The following HECW2 variants were observed in gnomAD, a reference collection of about 807,000 sequenced individuals.
The protein encoded by HECW2 is E3 ubiquitin-protein ligase HECW2.
A neutral mutation model predicts 175.2 loss-of-function variants in HECW2; 61 were observed. The ratio of observed to expected loss-of-function variants is 0.35; its 90% CI spans 0.28 to 0.43. HECW2 has a LOEUF of 0.43. HECW2 is among the 20% of genes least tolerant of loss of function. The pLI, the probability that HECW2 is intolerant of heterozygous loss-of-function variation, is 1.00. For missense variants in HECW2, 1,524 were observed against 2,000.5 expected, an observed-to-expected ratio of 0.76 and a Z score of 4.54; for synonymous variants, 671 against 731.0, an observed-to-expected ratio of 0.92 and a Z score of 1.32.
chr2:196,496,585 T>C (rs553381232), intron 1 of HECW2, among the ~76,000 whole-genome samples: 1 of 152,306 alleles, frequency 6.6e-6, no homozygotes, highest in East Asian at 1.9e-4. Flanking sequence ...TTTTCACTCT[T>C]CATTTGCCAT....
At chr2:196,221,391 C>A (rs1011571942) in intron 24 of HECW2, among the ~76,000 whole-genome samples, 15 of 151,922 alleles carry the variant, frequency 9.9e-5, no homozygotes, top group African/African-American at 3.4e-4. Flanking sequence ...AAGATTAATG[C>A]CTAAATAAGA....
chr2:196,443,954 G>A (rs1028471950), intron 1 of HECW2, among the ~76,000 whole-genome samples: 22 of 152,192 alleles, frequency 1.4e-4, no homozygotes, highest in African/African-American at 3.9e-4. Flanking sequence ...AGGATCGCTT[G>A]AGCCTGAGAG....
chr2:196,258,050 C>T (rs1375414856), intron 17 of HECW2, 144 bp from the exon 18 acceptor site: 1 of 596,890 alleles, frequency 1.7e-6, no homozygotes, highest in Non-Finnish European at 3.0e-6. Flanking sequence ...TAGGAATACA[C>T]ATCCAAGAGA....
intron 2 of HECW2, among the ~76,000 whole-genome samples, chr2:196,410,872 C>T (rs1018390085): frequency 1.3e-5 from 2 of 152,098 alleles, no homozygotes; most frequent in Non-Finnish European, 2.9e-5. Context: ...GCTAGCACAT[C>T]CACAAACGTA....
chr2:196,362,200 C>A, intron 2 of HECW2: 1 of 985,382 alleles, frequency 1.0e-6, no homozygotes, highest in Non-Finnish European at 1.2e-6. Context: ...CACATCCCCT[C>A]GGCTGAGGCA....
chr2:196,401,865 G>A lies in HECW2; in HGVS notation c.292+31267C>T, dbSNP rs901069395. 4.1e-4 allele frequency among the ~76,000 whole-genome samples: 63 copies of A among 152,172 alleles called. 1 individual carries two copies. In the Middle Eastern group the frequency reaches 0.014, roughly 33 times the overall value. On this transcript the variant is annotated intron_variant, in intron 2 of 28. Coordinates refer to ENST00000644978, the MANE Select transcript of HECW2 (RefSeq NM_001348768.2). ...AGACATGGAATCAAGGACCTACTATGTTCTCAAATGGAGAGGGTACCAAAA... is the reference window on the plus strand; with the variant it reads ...AGACATGGAATCAAGGACCTACTATATTCTCAAATGGAGAGGGTACCAAAA...
intron 28 of HECW2, among the ~76,000 whole-genome samples, chr2:196,212,562 T>G (rs879765547): frequency 2.0e-5 from 3 of 152,240 alleles, no homozygotes; most frequent in Non-Finnish European, 4.4e-5. Context: ...TTCCATGGTA[T>G]ATATGTACCA....
intron 2 of HECW2, among the ~76,000 whole-genome samples, chr2:196,373,976 G>A (rs1002720752): frequency 3.0e-4 from 45 of 151,144 alleles, no homozygotes; most frequent in South Asian, 6.3e-4. Flanking sequence ...AGCTTGCAGT[G>A]AGCCGAGATC....
At chr2:196,416,331 G>C (rs1470967218) in intron 2 of HECW2, among the ~76,000 whole-genome samples, 1 of 151,892 alleles carries the variant, frequency 6.6e-6, no homozygotes, top group Non-Finnish European at 1.5e-5. Context: ...GCACTAAAAA[G>C]GAAACATAAG....
At chr2:196,293,846 G>T (rs1346326031) in intron 13 of HECW2, among the ~76,000 whole-genome samples, 1 of 152,142 alleles carries the variant, frequency 6.6e-6, no homozygotes, top group Non-Finnish European at 1.5e-5. Flanking sequence ...ATGGAAAAAT[G>T]CTTGCCATAC....
At chr2:196,458,586 G>C (rs901263646) in intron 1 of HECW2, among the ~76,000 whole-genome samples, 1 of 152,184 alleles carries the variant, frequency 6.6e-6, no homozygotes, top group African/African-American at 2.4e-5. Flanking sequence ...GACAAGTGTA[G>C]GCTGGGCGTG....
intron 2 of HECW2, among the ~76,000 whole-genome samples, chr2:196,415,952 G>A (rs540462258): frequency 9.2e-5 from 14 of 152,226 alleles, no homozygotes; most frequent in African/African-American, 3.1e-4. Flanking sequence ...CAAGTGCATG[G>A]TTTTACTACA....
chr2:196,318,646 A>G lies in HECW2; in HGVS notation c.2244T>C (p.Ala748=). 6.2e-7 allele frequency: 1 copy of G among 1,600,064 alleles called. No individual in the cohort carries two copies. Among genetic ancestry groups the G allele is most frequent in the Non-Finnish European group, 8.5e-7 (1 of 1,172,806 alleles). ...QRRGSLEGAA[A]AAESPPQEEG... is the part of the protein sequence containing the mutation. The stretch of plus-strand genomic sequence containing the variant: ...CTTCTTGCGGTGGGCTCTCGGCAGC[A>G]GCTGCAGCTCCCTCCAGGCTCCCCC... The change falls in exon 9 of 29, where the codon GCT becomes GCC. Residue 748 remains alanine (A), a synonymous_variant. Transcript: ENST00000644978.
chr2:196,284,241 A>G (rs915987579), intron 14 of HECW2, among the ~76,000 whole-genome samples: 1 of 152,224 alleles, frequency 6.6e-6, no homozygotes. Flanking sequence ...TGCTCTACAT[A>G]CTGCGTCCAA....
At chr2:196,209,563 G>T (rs752742037) in intron 28 of HECW2, among the ~76,000 whole-genome samples, 1 of 152,106 alleles carries the variant, frequency 6.6e-6, no homozygotes, top group Non-Finnish European at 1.5e-5. Context: ...TTGGACCTGA[G>T]GTTCAACTAC....
intron 1 of HECW2, among the ~76,000 whole-genome samples, chr2:196,540,697 A>C (rs1689180265): frequency 6.6e-6 from 1 of 152,084 alleles, no homozygotes; most frequent in African/African-American, 2.4e-5. Context: ...CTCCTACTTC[A>C]AAGCTCTGGG....
Position 196,204,088 on chromosome 2 carries a change from T to C in HECW2, c.4608-2700A>G, listed in dbSNP as rs565995923. On this transcript the variant is annotated intron_variant, in intron 28 of 28. Coordinates refer to ENST00000644978, the MANE Select transcript of HECW2 (RefSeq NM_001348768.2). ...TCCATTGTATGTATATACCACATTTTCTTTATTCATTCATCCATTAATGAA... is the reference window on the plus strand; with the variant it reads ...TCCATTGTATGTATATACCACATTTCCTTTATTCATTCATCCATTAATGAA... Among the ~76,000 whole-genome samples, 4 of 152,350 alleles carry C rather than the reference T, an allele frequency of 2.6e-5. No homozygotes were observed. The South Asian group carries it at 8.3e-4, about 32-fold the overall frequency.
Position 196,230,219 on chromosome 2 carries a change from G to A in HECW2, c.3765-1965C>T, listed in dbSNP as rs561984107. Among the ~76,000 whole-genome samples, 33 of 152,320 alleles carry A rather than the reference G, an allele frequency of 2.2e-4. 1 individual carries two copies. The highest frequency in any genetic ancestry group is 4.0e-4 in the Non-Finnish European group (27 of 68,032). ...TGCCTCCTCCATGCAGGGATGCACA[G>A]ACTACCTGTCCCTCCTTATGCTGTG... On this transcript the variant is annotated intron_variant, in intron 21 of 28. Transcript: ENST00000644978.
chr2:196,528,511 A>G (rs1451797291), intron 1 of HECW2, among the ~76,000 whole-genome samples: 1 of 152,228 alleles, frequency 6.6e-6, no homozygotes, highest in Non-Finnish European at 1.5e-5. Flanking sequence ...GGTGAGAATC[A>G]GGGGCAGAAA....
Sources: allele counts gnomAD v4.1 joint callset (sites outside exome capture counted in the v4.1 genomes callset), GRCh38; gene constraint gnomAD v4.1.1; transcripts MANE v1.5; gene names NCBI Gene and HGNC (gene_info 2026-07-23, HGNC 2026-07-21).